Variants in BRDT observed in about 807,000 individuals in gnomAD.
The protein encoded by BRDT is bromodomain testis-specific protein.
A neutral mutation model predicts 113.9 loss-of-function variants in BRDT; 77 were observed. The ratio of observed to expected loss-of-function variants is 0.68; its 90% CI spans 0.56 to 0.82. The LOEUF (loss-of-function observed/expected upper bound fraction) is 0.82. Ranked by LOEUF, BRDT falls within the 40% of genes least tolerant of loss-of-function variation. The probability of loss-of-function intolerance (pLI) is 0.00; values close to 1 mark genes in which losing one functional copy is unlikely to be tolerated. For missense variants in BRDT, 1,027 were observed against 1,105.4 expected (o/e 0.93, Z 1.01); for synonymous variants, 358 against 366.5 (o/e 0.98, Z 0.26).
At chr1:91,969,168 C>T (rs6604071) in intron 4 of BRDT, among the ~76,000 whole-genome samples, 10,150 of 151,934 alleles carry the variant, frequency 0.067, 399 homozygotes, top group African/African-American at 0.096. Context: ...TCTCGATCTC[C>T]TGACGTCGTG....
intron 1 of BRDT, among the ~76,000 whole-genome samples, chr1:91,955,985 CAA>C (rs767926093): frequency 6.6e-6 from 1 of 152,058 alleles, no homozygotes. Flanking sequence ...TAAAATAGTA[CAA>C]AAAAACTATA....
chr1:91,983,263 CTTTTT>C (rs34326851), intron 12 of BRDT, among the ~76,000 whole-genome samples: 9 of 103,220 alleles, frequency 8.7e-5, no homozygotes, highest in Non-Finnish European at 8.3e-5. Context: ...GAATTCAAAT[CTTTTT>C]TTTTTTTTTT....
chr1:92,005,537 T>C (rs1319047778), intron 18 of BRDT, among the ~76,000 whole-genome samples: 1 of 152,092 alleles, frequency 6.6e-6, no homozygotes, highest in Admixed American at 6.6e-5. Flanking sequence ...GTTAAAATGA[T>C]GATTTTGGAG....
intron 15 of BRDT, among the ~76,000 whole-genome samples, chr1:91,999,524 CCT>C (rs1275804338): frequency 2.6e-5 from 4 of 152,092 alleles, no homozygotes; most frequent in Non-Finnish European, 5.9e-5. Context: ...CATCCTTAAG[CCT>C]CTCTGTTTTT....
At chr1:91,997,587 T>C (rs1686462753) in intron 15 of BRDT, among the ~76,000 whole-genome samples, 1 of 152,218 alleles carries the variant, frequency 6.6e-6, no homozygotes, top group Non-Finnish European at 1.5e-5. Context: ...AGGTGTTCTC[T>C]TATTCCTAAT....
chr1:91,952,876 G>T (rs1681274527), intron 1 of BRDT, among the ~76,000 whole-genome samples: 1 of 151,158 alleles, frequency 6.6e-6, no homozygotes, highest in Non-Finnish European at 1.5e-5. Context: ...GATAGAAAAA[G>T]TGCCTCATCC....
At chr1:91,974,685 G>A (rs960769440) in intron 4 of BRDT, among the ~76,000 whole-genome samples, 1 of 152,170 alleles carries the variant, frequency 6.6e-6, no homozygotes, top group Non-Finnish European at 1.5e-5. Flanking sequence ...CTGTTGGTGG[G>A]ACTGTAAACT....
chr1:91,959,763 A>G (rs36040350), intron 1 of BRDT, among the ~76,000 whole-genome samples: 2,840 of 152,274 alleles, frequency 0.019, 35 homozygotes, highest in Middle Eastern at 0.044. Context: ...GATTACAGGC[A>G]TGAGCCACAG....
chr1:91,976,432 G>A lies in BRDT; in HGVS notation c.612G>A (p.Ala204=), dbSNP rs761596190. The A allele has an allele frequency of 5.2e-6, 8 of 1,539,822 alleles. No individual in the cohort carries two copies. The highest frequency in any genetic ancestry group is 1.7e-4 in the Middle Eastern group (1 of 5,790). ...GASVNSSSQT[A]AQVTKGVKRK... ...CAGTCAACTCCAGTTCACAAACTGCGGCCCAAGTAAGTTTGTTGTAGTTTT... is the reference window on the plus strand; with the variant it reads ...CAGTCAACTCCAGTTCACAAACTGCAGCCCAAGTAAGTTTGTTGTAGTTTT... Residue 204 remains alanine, a synonymous_variant, in exon 5 of 19, where the codon GCG becomes GCA. Coordinates refer to ENST00000399546, the MANE Select transcript of BRDT (RefSeq NM_207189.4).
intron 12 of BRDT, among the ~76,000 whole-genome samples, chr1:91,989,024 C>G (rs984355854): frequency 4.6e-5 from 7 of 152,030 alleles, no homozygotes; most frequent in African/African-American, 1.7e-4. Context: ...CTTCAAACTC[C>G]TGACCTCAAG....
chr1:91,986,075 A>G (rs1473640525), intron 12 of BRDT, among the ~76,000 whole-genome samples: 5 of 152,268 alleles, frequency 3.3e-5, no homozygotes, highest in African/African-American at 9.6e-5. Context: ...AAACTTCGGT[A>G]TAAATATAAA....
intron 12 of BRDT, among the ~76,000 whole-genome samples, chr1:91,985,269 C>G (rs1470499209): frequency 2.6e-5 from 4 of 151,452 alleles, no homozygotes; most frequent in Non-Finnish European, 5.9e-5. Flanking sequence ...ACCGTGTTAG[C>G]CAGGATGGTC....
At chr1:91,970,258 G>C (rs1683496956) in intron 4 of BRDT, among the ~76,000 whole-genome samples, 1 of 152,162 alleles carries the variant, frequency 6.6e-6, no homozygotes, top group South Asian at 2.1e-4. Flanking sequence ...TGTTTGAAAA[G>C]AATGAGAAAT....
At chr1:91,956,818 C>T (rs1235298387) in intron 1 of BRDT, among the ~76,000 whole-genome samples, 1 of 152,086 alleles carries the variant, frequency 6.6e-6, no homozygotes, top group Non-Finnish European at 1.5e-5. Context: ...TGATATGTAC[C>T]TGTAGTCCTA....
chr1:91,959,573 C>T (rs929657803), intron 1 of BRDT, among the ~76,000 whole-genome samples: 7 of 151,970 alleles, frequency 4.6e-5, no homozygotes, highest in Non-Finnish European at 7.4e-5. Flanking sequence ...CTCTACCTCC[C>T]GGGTTCAAGT....
In BRDT at chr1:92,004,486, T is replaced by A; in HGVS notation, c.2461T>A (p.Ser821Thr). Residue 821 changes from serine to threonine, a missense_variant, in exon 17 of 19, where the codon TCC becomes ACC. Physicochemically the swap from Ser to Thr is moderately conservative, Grantham distance 58. Coordinates refer to ENST00000399546, the MANE Select transcript of BRDT (RefSeq NM_207189.4). ...AGTGAAACCATCAGGTGTAATGAAA[T>A]CCTCAGATGAGCTCTTCAACCAATT... ...KPVKPSGVMK[S>T]SDELFNQFRK... 1 of 1,612,786 alleles carries A rather than the reference T, an allele frequency of 6.2e-7. No individual in the cohort carries two copies. Among genetic ancestry groups the A allele is most frequent in the Non-Finnish European group, 8.5e-7 (1 of 1,179,594 alleles).
chr1:91,978,572 G>A (rs962268489), intron 7 of BRDT, among the ~76,000 whole-genome samples: 6 of 152,106 alleles, frequency 3.9e-5, no homozygotes, highest in Admixed American at 3.3e-4. Context: ...AAAGGAAACT[G>A]GGGAAATATT....
At chr1:92,004,995 A>G (rs1029885871) in intron 17 of BRDT, 124 bp from the exon 18 acceptor site, 1 of 759,764 alleles carries the variant, frequency 1.3e-6, no homozygotes, top group Non-Finnish European at 1.9e-6. Flanking sequence ...TAAAGCTTAA[A>G]ATAATGTTAT....
chr1:91,979,116 CTTT>C (rs77923577), intron 7 of BRDT, among the ~76,000 whole-genome samples: 1 of 138,396 alleles, frequency 7.2e-6, no homozygotes, highest in Non-Finnish European at 1.6e-5. Flanking sequence ...AAGCATGAGT[CTTT>C]TTTTTTTTTT....
Sources: gnomAD v4.1 joint callset for allele counts (sites outside exome capture counted in the v4.1 genomes callset) on GRCh38, gnomAD v4.1.1 for gene constraint, MANE v1.5 for transcripts, NCBI Gene and HGNC (gene_info 2026-07-23, HGNC 2026-07-21) for gene names.